DLGAP2: variants seen among roughly 807,000 people sequenced by gnomAD.
DLGAP2 encodes the protein disks large-associated protein 2.
In DLGAP2, 26 loss-of-function variants were observed where a neutral mutation model predicts 100.3. The observed-to-expected ratio is 0.26, with a 90% confidence interval of 0.19 to 0.36. DLGAP2 has a LOEUF of 0.36. DLGAP2 is among the 10% of genes least tolerant of loss of function. The pLI is 1.00. For missense variants in DLGAP2, 1,858 were observed against 1,453.2 expected (o/e 1.28, Z -4.53); for synonymous variants, 886 against 630.1 (o/e 1.41, Z -6.08).
At chr8:786,817 T>A (rs1821880053) in intron 1 of DLGAP2, among the ~76,000 whole-genome samples, 1 of 152,068 alleles carries the variant, frequency 6.6e-6, no homozygotes, top group Non-Finnish European at 1.5e-5. Flanking sequence ...GTTTTTTTTT[T>A]TTAACAGCGT....
chr8:1,590,003 G>T (rs1796243110), intron 6 of DLGAP2, among the ~76,000 whole-genome samples: 1 of 152,162 alleles, frequency 6.6e-6, no homozygotes, highest in Admixed American at 6.5e-5. Context: ...CTGAAATCAA[G>T]GTGTGGGCAA....
chr8:1,591,144 C>G (rs1043496057), intron 6 of DLGAP2, among the ~76,000 whole-genome samples: 2 of 152,236 alleles, frequency 1.3e-5, no homozygotes, highest in Non-Finnish European at 2.9e-5. Context: ...GCCCTTAGCC[C>G]TGTCCAGACA....
chr8:1,139,151 G>C (rs1218341048), intron 2 of DLGAP2, among the ~76,000 whole-genome samples: 1 of 152,240 alleles, frequency 6.6e-6, no homozygotes, highest in Non-Finnish European at 1.5e-5. Flanking sequence ...TGGCTGGGGG[G>C]ATGTGGGCAT....
At chr8:1,528,704 C>G (rs575917133) in intron 4 of DLGAP2, among the ~76,000 whole-genome samples, 4 of 152,276 alleles carry the variant, frequency 2.6e-5, no homozygotes, top group African/African-American at 7.2e-5. Flanking sequence ...ACCAGATGAC[C>G]GAGCTGAAAC....
At chr8:902,971 C>T (rs1169030316) in intron 1 of DLGAP2, among the ~76,000 whole-genome samples, 1 of 37,270 alleles carries the variant, frequency 2.7e-5, no homozygotes, top group Non-Finnish European at 5.1e-5. Flanking sequence ...GGAACGTGTT[C>T]GGGTGGGTGG....
At chr8:1,121,730 C>T (rs981737039) in intron 2 of DLGAP2, among the ~76,000 whole-genome samples, 10 of 85,584 alleles carry the variant, frequency 1.2e-4, no homozygotes, top group African/African-American at 3.1e-4. Flanking sequence ...CCCTTTAGAA[C>T]CCACAACCAC....
intron 7 of DLGAP2, among the ~76,000 whole-genome samples, chr8:1,632,068 G>C (rs923690732): frequency 9.9e-5 from 15 of 152,008 alleles, no homozygotes; most frequent in African/African-American, 3.6e-4. Context: ...GAATGGGAGG[G>C]GGTGAGGGGA....
At chr8:1,200,923 C>T (rs1428414482) in intron 2 of DLGAP2, among the ~76,000 whole-genome samples, 1 of 152,220 alleles carries the variant, frequency 6.6e-6, no homozygotes, top group Non-Finnish European at 1.5e-5. Context: ...CCGGGCGGTG[C>T]GCGATTCAGC....
chr8:1,523,653 C>T (rs1800688875), intron 4 of DLGAP2, among the ~76,000 whole-genome samples: 1 of 152,216 alleles, frequency 6.6e-6, no homozygotes, highest in Non-Finnish European at 1.5e-5. Context: ...CATAAACATA[C>T]CCCGAGGAAC....
At chr8:1,619,226 A>C (rs750687211) in intron 6 of DLGAP2, among the ~76,000 whole-genome samples, 3 of 152,252 alleles carry the variant, frequency 2.0e-5, no homozygotes, top group Non-Finnish European at 2.9e-5. Flanking sequence ...ACAAATGTCC[A>C]ATAAGAATTA....
chr8:783,165 A>G (rs1229304300), intron 1 of DLGAP2, among the ~76,000 whole-genome samples: 2 of 152,214 alleles, frequency 1.3e-5, no homozygotes, highest in African/African-American at 4.8e-5. Flanking sequence ...TTACCTCAAG[A>G]AGTATCCCAG....
chr8:950,993 A>G (rs1263261962), intron 2 of DLGAP2, among the ~76,000 whole-genome samples: 2 of 152,194 alleles, frequency 1.3e-5, no homozygotes, highest in African/African-American at 2.4e-5. Flanking sequence ...CCTGCCCTGC[A>G]GTAATCACTT....
intron 2 of DLGAP2, among the ~76,000 whole-genome samples, chr8:1,119,992 T>C (rs1349779818): frequency 1.3e-5 from 2 of 152,174 alleles, no homozygotes; most frequent in Non-Finnish European, 2.9e-5. Flanking sequence ...CTCAGCACTT[T>C]TAGGGCTGGG....
At chr8:1,052,843 G>T (rs769826769) in intron 2 of DLGAP2, among the ~76,000 whole-genome samples, 1 of 152,138 alleles carries the variant, frequency 6.6e-6, no homozygotes, top group African/African-American at 2.4e-5. Flanking sequence ...ATGACAACCT[G>T]TAAGGAGGAT....
chr8:1,038,253 T>A (rs1318145744), intron 2 of DLGAP2, among the ~76,000 whole-genome samples: 1 of 152,130 alleles, frequency 6.6e-6, no homozygotes, highest in Non-Finnish European at 1.5e-5. Flanking sequence ...GTTGGAAGAG[T>A]TACAGCTTTT....
chr8:1,280,650 G>T (rs891993507), intron 3 of DLGAP2, among the ~76,000 whole-genome samples: 11 of 152,186 alleles, frequency 7.2e-5, no homozygotes, highest in African/African-American at 2.7e-4. Flanking sequence ...TGCCACCAGG[G>T]CCCATGTGAG....
intron 2 of DLGAP2, among the ~76,000 whole-genome samples, chr8:1,214,334 T>G (rs1038362017): frequency 2.0e-5 from 3 of 152,222 alleles, no homozygotes; most frequent in Non-Finnish European, 4.4e-5. Context: ...CAGGTGATCG[T>G]TTTTCCGTGA....
At chr8:1,631,546 T>C (rs1482468386) in intron 7 of DLGAP2, among the ~76,000 whole-genome samples, 2 of 152,204 alleles carry the variant, frequency 1.3e-5, no homozygotes, top group African/African-American at 2.4e-5. Context: ...TCCTGCCGGC[T>C]GTGTCCTGGT....
chr8:1,564,444 T>C (rs1238084154), intron 5 of DLGAP2, among the ~76,000 whole-genome samples: 2 of 152,168 alleles, frequency 1.3e-5, no homozygotes, highest in African/African-American at 4.8e-5. Context: ...GGGGCCGTTA[T>C]GGGTGATATA....
Sources: gnomAD v4.1 joint callset for allele counts (sites outside exome capture counted in the v4.1 genomes callset) on GRCh38, gnomAD v4.1.1 for gene constraint, MANE v1.5 for transcripts, NCBI Gene and HGNC (gene_info 2026-07-23, HGNC 2026-07-21) for gene names.